LRRFIP1: variants seen among roughly 807,000 people sequenced by gnomAD.
LRRFIP1 encodes the protein LRR binding FLII interacting protein 1.
A neutral mutation model predicts 104.4 loss-of-function variants in LRRFIP1; 62 were observed. The ratio of observed to expected loss-of-function variants is 0.59; its 90% confidence interval spans 0.48 to 0.73. The LOEUF (loss-of-function observed/expected upper bound fraction) is 0.73. Among genes scored for constraint, LRRFIP1 ranks in the 30% least tolerant of loss-of-function variants. The pLI is 0.00. For missense variants in LRRFIP1, 796 were observed against 824.5 expected, an observed-to-expected ratio of 0.97 and a Z score of 0.42; for synonymous variants, 300 against 299.0, an observed-to-expected ratio of 1.00 and a Z score of -0.03.
At chr2:237,632,293 C>G (rs573958662) in intron 1 of LRRFIP1, among the ~76,000 whole-genome samples, 1 of 152,224 alleles carries the variant, frequency 6.6e-6, no homozygotes, top group African/African-American at 2.4e-5. Flanking sequence ...TGTGAGGTCA[C>G]AAAATGTCCC....
At chr2:237,740,805 C>G (rs1263234193) in intron 11 of LRRFIP1, among the ~76,000 whole-genome samples, 1 of 152,180 alleles carries the variant, frequency 6.6e-6, no homozygotes, top group East Asian at 1.9e-4. Flanking sequence ...AGCCTCCACC[C>G]CACCCACTAT....
chr2:237,763,724 C>T (rs987132327), intron 19 of LRRFIP1: 1 of 1,614,074 alleles, frequency 6.2e-7, no homozygotes, highest in African/African-American at 1.3e-5. Context: ...TGAGGAGGTA[C>T]TAGCTGATGG....
intron 1 of LRRFIP1, among the ~76,000 whole-genome samples, chr2:237,706,333 C>G (rs930514562): frequency 1.3e-5 from 2 of 152,128 alleles, no homozygotes; most frequent in Non-Finnish European, 2.9e-5. Context: ...ACATCTCACC[C>G]CTCTGCTCCT....
At chr2:237,715,115 G>A (rs1004087041) in intron 3 of LRRFIP1, among the ~76,000 whole-genome samples, 3 of 152,194 alleles carry the variant, frequency 2.0e-5, no homozygotes, top group Non-Finnish European at 2.9e-5. Flanking sequence ...CGGAATGCAC[G>A]GGCAGTAAAT....
chr2:237,734,078 AATGGAAC>A (rs145694696), intron 9 of LRRFIP1, among the ~76,000 whole-genome samples: 3,991 of 152,280 alleles, frequency 0.026, 58 homozygotes, highest in Middle Eastern at 0.085. Flanking sequence ...GTTAGGCAGG[AATGGAAC>A]AACAGCAATG....
intron 1 of LRRFIP1, among the ~76,000 whole-genome samples, chr2:237,698,323 C>T (rs761810565): frequency 5.3e-5 from 8 of 152,184 alleles, no homozygotes; most frequent in South Asian, 2.1e-4. Context: ...GTTCAAAAAC[C>T]GAGTAACTTA....
intron 6 of LRRFIP1, among the ~76,000 whole-genome samples, chr2:237,722,907 A>T (rs2094583502): frequency 6.6e-6 from 1 of 152,156 alleles, no homozygotes; most frequent in Admixed American, 6.5e-5. Context: ...CACTCCCCAG[A>T]GTGAGGACTG....
intron 6 of LRRFIP1, among the ~76,000 whole-genome samples, chr2:237,722,888 C>T (rs759832045): frequency 3.9e-5 from 6 of 152,156 alleles, no homozygotes; most frequent in South Asian, 2.1e-4. Context: ...TTTGTACCAC[C>T]GAACAGGGCA....
At chr2:237,667,150 G>A (rs887253404) in intron 1 of LRRFIP1, among the ~76,000 whole-genome samples, 1 of 151,850 alleles carries the variant, frequency 6.6e-6, no homozygotes, top group Non-Finnish European at 1.5e-5. Context: ...CATGCTTTAG[G>A]TATTTGTCCT....
At chr2:237,627,877 GCAGGCGCGCGCCGGGGCGCTGATCCC>G in intron 1 of LRRFIP1, 137 bp downstream of exon 1, 1 of 483,842 alleles carries the variant, frequency 2.1e-6, no homozygotes, top group Non-Finnish European at 3.1e-6. Flanking sequence ...GGTGGGCCGG[GCAGGCGCGCGCCGGGGCGCTGATCCC>G]CAGGCGCTGC....
intron 1 of LRRFIP1, among the ~76,000 whole-genome samples, chr2:237,673,898 T>C (rs987956104): frequency 3.5e-5 from 5 of 143,598 alleles, no homozygotes; most frequent in Admixed American, 2.8e-4. Flanking sequence ...GGGCGTTTCC[T>C]GACACTAAGG....
At chr2:237,720,657 C>T in intron 5 of LRRFIP1, 115 bp from the exon 6 acceptor site, 3 of 840,932 alleles carry the variant, frequency 3.6e-6, no homozygotes, top group South Asian at 1.4e-5. Flanking sequence ...GTGGCTGGCC[C>T]CCTCACTGCT....
chr2:237,689,734 G>A (rs1227712158), intron 1 of LRRFIP1, among the ~76,000 whole-genome samples: 1 of 152,112 alleles, frequency 6.6e-6, no homozygotes, highest in Non-Finnish European at 1.5e-5. Flanking sequence ...AGGAGGCCTG[G>A]GCACCTTGAG....
chr2:237,708,267 G>A (rs951624052), intron 1 of LRRFIP1, among the ~76,000 whole-genome samples: 2 of 152,134 alleles, frequency 1.3e-5, no homozygotes, highest in African/African-American at 2.4e-5. Flanking sequence ...TAACAGTCTC[G>A]GCCTAATGAG....
Position 237,689,894 on chromosome 2 carries a change from G to A in LRRFIP1, c.97-18650G>A, listed in dbSNP as rs568565748. ...CCTGACTGTGCCCAGCGGGATCCCC[G>A]TGTTAGAGCCTTTGGTCCTCACCCT... On this transcript the variant is annotated intron_variant, in intron 1 of 23. Coordinates refer to ENST00000308482, the MANE Select transcript of LRRFIP1 (RefSeq NM_001137550.2). Among the ~76,000 whole-genome samples the A allele has an allele frequency of 9.2e-5, 14 of 152,324 alleles. No homozygotes were observed. The South Asian group carries it at 2.1e-3, about 23-fold the overall frequency.
chr2:237,767,271 G>T (rs1172510414), intron 19 of LRRFIP1, among the ~76,000 whole-genome samples: 1 of 152,136 alleles, frequency 6.6e-6, no homozygotes. Flanking sequence ...AGATTATAGT[G>T]TCAAAAGATT....
chr2:237,759,973 A>T (rs2059689361), intron 18 of LRRFIP1, 91 bp from the exon 19 acceptor site: 2 of 1,248,046 alleles, frequency 1.6e-6, no homozygotes, highest in Non-Finnish European at 2.3e-6. Flanking sequence ...ACTTCAGGAA[A>T]AAATGGTTTT....
At chr2:237,666,423 C>G (rs1284205214) in intron 1 of LRRFIP1, among the ~76,000 whole-genome samples, 1 of 152,274 alleles carries the variant, frequency 6.6e-6, no homozygotes, top group African/African-American at 2.4e-5. Context: ...CTGTGAAACA[C>G]AGGGATCCCA....
intron 1 of LRRFIP1, among the ~76,000 whole-genome samples, chr2:237,670,234 G>T (rs1225767876): frequency 6.6e-6 from 1 of 151,536 alleles, no homozygotes; most frequent in Admixed American, 6.6e-5. Flanking sequence ...GTCCTGCACC[G>T]GGACGTCAGT....
Sources: gnomAD v4.1 joint callset for allele counts (sites outside exome capture counted in the v4.1 genomes callset) on GRCh38, gnomAD v4.1.1 for gene constraint, MANE v1.5 for transcripts, NCBI Gene and HGNC (gene_info 2026-07-23, HGNC 2026-07-21) for gene names.